Variants in SCNN1G observed in about 807,000 individuals in gnomAD.
SCNN1G encodes epithelial sodium channel subunit gamma.
A neutral mutation model predicts 64.6 loss-of-function variants in SCNN1G; 27 were observed. The observed-to-expected ratio is 0.42, with a 90% CI of 0.31 to 0.58. SCNN1G has a LOEUF of 0.58. Ranked by LOEUF, SCNN1G falls within the 20% of genes least tolerant of loss-of-function variation. The pLI, the probability that SCNN1G is intolerant of heterozygous loss-of-function variation, is 0.18. For synonymous variants in SCNN1G, 330 were observed against 314.2 expected, an observed-to-expected ratio of 1.05 and a Z score of -0.53; for missense variants, 743 against 823.4, an observed-to-expected ratio of 0.90 and a Z score of 1.19.
At chr16:23,192,310 T>C (rs1432234118) in intron 3 of SCNN1G, 42 bp from the exon 4 acceptor site, 1 of 1,489,856 alleles carries the variant, frequency 6.7e-7, no homozygotes, top group African/African-American at 1.4e-5. Context: ...AGAGTAGCGA[T>C]AGGACCGATG....
intron 6 of SCNN1G, among the ~76,000 whole-genome samples, chr16:23,198,423 T>C (rs1324926127): frequency 1.3e-5 from 2 of 152,172 alleles, no homozygotes; most frequent in African/African-American, 4.8e-5. Context: ...CTCTCTTTCA[T>C]AGAATGACTG....
At position 23,209,862 on chromosome 16, in the gene SCNN1G, A is replaced by G. The variant is rs5740; in HGVS notation, c.1176+14A>G. On this transcript the variant is annotated intron_variant, in intron 7 of 12. Transcript: ENST00000300061. ...TACTCGCTCCAGGTAACAGATTGGC[A>G]GGGGCACCCAGCCCTGGGTTTATGG... The G allele has an allele frequency of 0.8, 1,281,108 of 1,598,884 alleles. 514,858 individuals are homozygous for G. The highest frequency in any genetic ancestry group is 0.89 in the East Asian group (39,942 of 44,776).
At chr16:23,189,282 A>G in intron 2 of SCNN1G, 89 bp from the exon 3 acceptor site, 1 of 1,334,184 alleles carries the variant, frequency 7.5e-7, no homozygotes, top group Middle Eastern at 2.5e-4. Context: ...TGAGGCTGAC[A>G]CGTGTTGATG....
intron 8 of SCNN1G, 93 bp from the exon 9 acceptor site, chr16:23,212,585 A>G (rs1286979179): frequency 4.3e-6 from 4 of 936,970 alleles, no homozygotes; most frequent in Non-Finnish European, 7.1e-6. Context: ...AATCATTAAA[A>G]TGAGACTGCG....
At chr16:23,190,117 C>A (rs960647668) in intron 3 of SCNN1G, among the ~76,000 whole-genome samples, 1 of 151,536 alleles carries the variant, frequency 6.6e-6, no homozygotes, top group Non-Finnish European at 1.5e-5. Flanking sequence ...AGCATTAGGA[C>A]AAATACCTAA....
intron 6 of SCNN1G, among the ~76,000 whole-genome samples, chr16:23,206,248 G>C (rs1385962992): frequency 6.6e-6 from 1 of 152,204 alleles, no homozygotes; most frequent in Non-Finnish European, 1.5e-5. Context: ...TAGCCACCTT[G>C]TCTGGGAATA....
Position 23,197,271 on chromosome 16 carries a change from A to C in SCNN1G, c.921A>C (p.Gln307His), listed in dbSNP as rs1959810292. The change falls in exon 6 of 13, where the codon CAA becomes CAC. Residue 307 changes from glutamine (Q) to histidine (H), a missense_variant. Physicochemically the swap from Gln to His is conservative, Grantham distance 24 (BLOSUM62 0). Transcript: ENST00000300061. ...TSMGGSEYGL[Q>H]VILYINEEEY... ...GTTGTCTTATCCTCCCAGGGCTGCA[A>C]GTCATTTTGTACATAAACGAAGAGG... 2 of 1,613,746 alleles carry C rather than the reference A, an allele frequency of 1.2e-6. No individual in the cohort carries two copies. The highest frequency in any genetic ancestry group is 1.7e-5 in the Admixed American group (1 of 60,026).
chr16:23,184,636 C>T (rs964211513), intron 1 of SCNN1G, among the ~76,000 whole-genome samples: 1 of 152,166 alleles, frequency 6.6e-6, no homozygotes, highest in Non-Finnish European at 1.5e-5. Flanking sequence ...ATGCCCAGCA[C>T]TCCATTTCCT....
At position 23,186,252 on chromosome 16, in the gene SCNN1G, C is replaced by T; in HGVS notation, c.-20C>T. The T allele has an allele frequency of 6.2e-7, 1 of 1,614,010 alleles. No homozygotes were observed. The highest frequency in any genetic ancestry group is 8.5e-7 in the Non-Finnish European group (1 of 1,179,878). ...GCACGCCCGTCCTCAGAGTCCCGTC[C>T]TCAAAGTCCCATCCTCGCCATGGCA... On this transcript the variant is annotated 5_prime_UTR_variant, in exon 2 of 13. Coordinates refer to ENST00000300061, the MANE Select transcript of SCNN1G (RefSeq NM_001039.4).
At position 23,192,397 on chromosome 16, in the gene SCNN1G, G is replaced by A. The variant is rs751457907; in HGVS notation, c.664G>A (p.Gly222Arg). 1 of 1,614,092 alleles carries A rather than the reference G, an allele frequency of 6.2e-7. No homozygotes were observed. Among genetic ancestry groups the A allele is most frequent in the Non-Finnish European group, 8.5e-7 (1 of 1,179,988 alleles). Residue 222 changes from glycine to arginine, a missense_variant, in exon 4 of 13, where the codon GGA (glycine) becomes AGA (arginine). Coordinates refer to ENST00000300061, the MANE Select transcript of SCNN1G (RefSeq NM_001039.4). The stretch of plus-strand genomic sequence containing the variant: ...CTGTGCCACCTACACCTTCAGCTCG[G>A]GAATCAATGCCATTCAGGAGTGGTA... ...SDCATYTFSS[G>R]INAIQEWYKL...
rs1413428434 is a variant in SCNN1G at position 23,214,774 on chromosome 16, G to T, written c.1556G>T (p.Ser519Ile). 1 of 1,613,854 alleles carries T rather than the reference G, an allele frequency of 6.2e-7. No homozygotes were observed. Among genetic ancestry groups the T allele is most frequent in the East Asian group, 2.2e-5 (1 of 44,882 alleles). Reference sequence around the variant, plus strand: ...CTGAACCAGAGATCCATCATGGAGAGCCCAGCCAACAGTGTGAGTAGAGTG... The same window carrying T: ...CTGAACCAGAGATCCATCATGGAGATCCCAGCCAACAGTGTGAGTAGAGTG... ...KDLNQRSIME[S>I]PANSIEMLLS... The change falls in exon 12 of 13, where the codon AGC becomes ATC. Residue 519 changes from serine to isoleucine, a missense_variant. Physicochemically the swap from Ser to Ile is moderately radical, Grantham distance 142. Transcript: ENST00000300061.
At chr16:23,207,745 T>C (rs1195150903) in intron 6 of SCNN1G, among the ~76,000 whole-genome samples, 2 of 152,156 alleles carry the variant, frequency 1.3e-5, no homozygotes, top group Non-Finnish European at 2.9e-5. Context: ...GCATCGTCAA[T>C]TGCCCTGGAG....
intron 8 of SCNN1G, 107 bp from the exon 9 acceptor site, chr16:23,212,571 G>T: frequency 1.2e-6 from 1 of 855,936 alleles, no homozygotes; most frequent in Non-Finnish European, 2.0e-6. Context: ...AAAGTGGGAG[G>T]AGAAATCATT....
chr16:23,205,751 A>G (rs2141940740), intron 6 of SCNN1G, among the ~76,000 whole-genome samples: 1 of 151,810 alleles, frequency 6.6e-6, no homozygotes, highest in African/African-American at 2.4e-5. Flanking sequence ...TTCAAGAAGA[A>G]AACCATCCAC....
intron 1 of SCNN1G, among the ~76,000 whole-genome samples, chr16:23,184,148 T>C (rs964105881): frequency 3.9e-5 from 6 of 152,326 alleles, no homozygotes; most frequent in African/African-American, 1.2e-4. Flanking sequence ...TTTATATGAA[T>C]ATTTTATCTG....
At chr16:23,198,767 T>A (rs1185566295) in intron 6 of SCNN1G, among the ~76,000 whole-genome samples, 7 of 151,056 alleles carry the variant, frequency 4.6e-5, no homozygotes, top group Admixed American at 4.6e-4. Flanking sequence ...AAAAACTGAT[T>A]TAAAGGAGTT....
At chr16:23,193,145 G>T (rs1219950070) in intron 4 of SCNN1G, among the ~76,000 whole-genome samples, 1 of 140,226 alleles carries the variant, frequency 7.1e-6, no homozygotes, top group East Asian at 2.3e-4. Context: ...TGCTGTTTTT[G>T]TCATATGGTG....
Position 23,197,277 on chromosome 16 carries a change from T to C in SCNN1G, c.927T>C (p.Ile309=). 1 of 1,613,756 alleles carries C rather than the reference T, an allele frequency of 6.2e-7. No individual in the cohort carries two copies. The highest frequency in any genetic ancestry group is 8.5e-7 in the Non-Finnish European group (1 of 1,179,898). Reference sequence around the variant, plus strand: ...TTATCCTCCCAGGGCTGCAAGTCATTTTGTACATAAACGAAGAGGAATACA... The same window carrying C: ...TTATCCTCCCAGGGCTGCAAGTCATCTTGTACATAAACGAAGAGGAATACA... The part of the protein sequence containing the change: ...MGGSEYGLQV[I]LYINEEEYNP... Residue 309 remains isoleucine, a synonymous_variant, in exon 6 of 13, where the codon ATT becomes ATC. Transcript: ENST00000300061.
chr16:23,184,174 G>A (rs767792657), intron 1 of SCNN1G, among the ~76,000 whole-genome samples: 1 of 148,464 alleles, frequency 6.7e-6, no homozygotes, highest in Non-Finnish European at 1.5e-5. Context: ...CAAAGAGCAA[G>A]ATCAGTTCCC....
Sources: gnomAD v4.1 joint callset for allele counts (sites outside exome capture counted in the v4.1 genomes callset) on GRCh38, gnomAD v4.1.1 for gene constraint, MANE v1.5 for transcripts, NCBI Gene and HGNC (gene_info 2026-07-23, HGNC 2026-07-21) for gene names.